Variants in FCHSD2 observed in about 807,000 individuals in gnomAD.
The protein encoded by FCHSD2 is FCH and double SH3 domains 2.
In FCHSD2, 38 loss-of-function variants were observed where a neutral mutation model predicts 108.1. The ratio of observed to expected loss-of-function variants is 0.35; its 90% CI spans 0.27 to 0.46. The LOEUF (loss-of-function observed/expected upper bound fraction) is 0.46, where lower values mean the gene tolerates loss of function less well. Ranked by LOEUF, FCHSD2 falls within the 20% of genes least tolerant of loss-of-function variation. The pLI is 1.00. For synonymous variants in FCHSD2, 279 were observed against 314.7 expected (o/e 0.89, Z 1.20); for missense variants, 751 against 897.8 (o/e 0.84, Z 2.09).
At chr11:72,889,030 C>T (rs1022233934) in intron 11 of FCHSD2, among the ~76,000 whole-genome samples, 1 of 152,174 alleles carries the variant, frequency 6.6e-6, no homozygotes, top group Admixed American at 6.5e-5. Flanking sequence ...TCTCAGCTCA[C>T]TGCAAGCTCC....
intron 8 of FCHSD2, 38 bp from the exon 9 acceptor site, chr11:72,921,988 G>A: frequency 6.8e-7 from 1 of 1,480,364 alleles, no homozygotes; most frequent in South Asian, 1.2e-5. Context: ...AAAAATTACA[G>A]TAAAGCCTTG....
chr11:73,010,226 C>A (rs2886599), intron 4 of FCHSD2, among the ~76,000 whole-genome samples: 20,066 of 152,134 alleles, frequency 0.13, 1,814 homozygotes, highest in South Asian at 0.21. Flanking sequence ...TCAATGAATT[C>A]TTCCATTACA....
chr11:72,902,421 T>C lies in FCHSD2; in HGVS notation c.924+122A>G, dbSNP rs1855544972. 8.9e-6 allele frequency: 5 copies of C among 560,788 alleles called. No homozygotes were observed. In the South Asian group the frequency reaches 1.2e-4, roughly 13 times the overall value. 34.7% of individuals were successfully genotyped at this position (560,788 alleles called of 1,614,324 possible). On this transcript the variant is annotated intron_variant, in intron 10 of 19. Transcript: ENST00000409418. ...TCATAATTATTCTGTGTCCTCACAG[T>C]TTTGTTATAAAATTGATGAGATATA...
At position 72,946,848 on chromosome 11, in the gene FCHSD2, T is replaced by C. The variant is rs146569969; in HGVS notation, c.706-24898A>G. On this transcript the variant is annotated intron_variant, in intron 8 of 19. Coordinates refer to ENST00000409418, the MANE Select transcript of FCHSD2 (RefSeq NM_014824.3). Reference sequence around the variant, plus strand: ...TAAGTATAATGCCTAGGGAAATTTTTCAAGCTTAAGTAAACATTCATATTC... The same window carrying C: ...TAAGTATAATGCCTAGGGAAATTTTCCAAGCTTAAGTAAACATTCATATTC... 6.6e-5 allele frequency among the ~76,000 whole-genome samples: 10 copies of C among 152,336 alleles called. No homozygotes were observed. In the East Asian group the frequency reaches 1.9e-3, roughly 29 times the overall value.
At chr11:73,098,230 G>A (rs1235935895) in intron 2 of FCHSD2, among the ~76,000 whole-genome samples, 4 of 152,044 alleles carry the variant, frequency 2.6e-5, no homozygotes, top group South Asian at 2.1e-4. Flanking sequence ...GTTTCACAGC[G>A]TAAGTTTTGG....
At chr11:72,931,815 A>G (rs1856199025) in intron 8 of FCHSD2, among the ~76,000 whole-genome samples, 1 of 152,142 alleles carries the variant, frequency 6.6e-6, no homozygotes, top group Admixed American at 6.5e-5. Context: ...TCCAACAAAC[A>G]TCTGTCAAAT....
chr11:72,878,508 A>G (rs1263964556), intron 12 of FCHSD2, among the ~76,000 whole-genome samples: 1 of 152,214 alleles, frequency 6.6e-6, no homozygotes, highest in Admixed American at 6.5e-5. Flanking sequence ...GCTAATTCTA[A>G]GTCTGGGCAG....
intron 3 of FCHSD2, among the ~76,000 whole-genome samples, chr11:73,035,696 TTTTATTTATTTA>T (rs35623691): frequency 1.4e-4 from 18 of 125,838 alleles, no homozygotes; most frequent in African/African-American, 4.4e-4. Flanking sequence ...AATGTTCAGT[TTTTATTTATTTA>T]TTTATTTATT....
At chr11:72,958,375 G>A (rs796089105) in intron 8 of FCHSD2, among the ~76,000 whole-genome samples, 62 of 152,148 alleles carry the variant, frequency 4.1e-4, no homozygotes, top group African/African-American at 1.4e-3. Flanking sequence ...AAAATTAGCT[G>A]GGCATGGTGG....
intron 8 of FCHSD2, among the ~76,000 whole-genome samples, chr11:72,943,799 A>G (rs1056661151): frequency 6.6e-6 from 1 of 152,236 alleles, no homozygotes; most frequent in Non-Finnish European, 1.5e-5. Flanking sequence ...TAGTTCATTA[A>G]CTACAAGAAG....
intron 13 of FCHSD2, among the ~76,000 whole-genome samples, chr11:72,863,843 A>G (rs1215690672): frequency 6.6e-6 from 1 of 152,250 alleles, no homozygotes; most frequent in East Asian, 1.9e-4. Context: ...AAGTACTGAT[A>G]AGGTTGTGGA....
At chr11:72,982,380 A>G (rs1392632079) in intron 8 of FCHSD2, among the ~76,000 whole-genome samples, 2 of 152,246 alleles carry the variant, frequency 1.3e-5, no homozygotes, top group African/African-American at 2.4e-5. Flanking sequence ...CTGATTTGTA[A>G]ATTAAGCAAT....
At chr11:73,105,962 T>C (rs767983572) in intron 2 of FCHSD2, among the ~76,000 whole-genome samples, 6 of 152,188 alleles carry the variant, frequency 3.9e-5, no homozygotes, top group Non-Finnish European at 7.3e-5. Flanking sequence ...GGCCTCTATC[T>C]TCACAGGTCT....
At chr11:72,854,421 G>C (rs1006590948) in intron 13 of FCHSD2, among the ~76,000 whole-genome samples, 1 of 152,218 alleles carries the variant, frequency 6.6e-6, no homozygotes, top group African/African-American at 2.4e-5. Flanking sequence ...ATTATTCTCT[G>C]TCTGTCTACC....
intron 14 of FCHSD2, among the ~76,000 whole-genome samples, chr11:72,849,527 G>A (rs549091095): frequency 1.2e-3 from 186 of 152,258 alleles, no homozygotes; most frequent in African/African-American, 3.9e-3. Flanking sequence ...TGAGGAGCAG[G>A]GGACAACCAA....
Position 73,141,930 on chromosome 11 carries a change from A to G in FCHSD2, c.-53T>C, listed in dbSNP as rs1288520938. On this transcript the variant is annotated 5_prime_UTR_variant, in exon 1 of 20. Transcript: ENST00000409418. ...GACGGCAGCGTTAGCAAGGACCAGG[A>G]GGAGGAGGAGGGCCGGAGAGGAGGG... The G allele has an allele frequency of 9.6e-6, 14 of 1,453,366 alleles. No homozygotes were observed. Among genetic ancestry groups the G allele is most frequent in the Non-Finnish European group, 1.3e-5 (14 of 1,075,048 alleles). The allele number at this position is 1,453,366 out of a possible 1,614,324, so 90.0% of individuals were successfully genotyped here. A position where few individuals can be genotyped will look rare whatever the true frequency, so the allele number is the denominator to read the frequency against.
chr11:72,993,932 C>T (rs960935045), intron 5 of FCHSD2, among the ~76,000 whole-genome samples: 1 of 151,994 alleles, frequency 6.6e-6, no homozygotes, highest in Non-Finnish European at 1.5e-5. Context: ...AAATAAATAT[C>T]GGATAGAAAA....
At chr11:72,894,092 T>A (rs1223058174) in intron 10 of FCHSD2, among the ~76,000 whole-genome samples, 1 of 152,232 alleles carries the variant, frequency 6.6e-6, no homozygotes, top group South Asian at 2.1e-4. Context: ...GAGATGGTCA[T>A]GTATGATGAA....
At chr11:73,076,436 G>A (rs1859551865) in intron 3 of FCHSD2, among the ~76,000 whole-genome samples, 2 of 152,200 alleles carry the variant, frequency 1.3e-5, no homozygotes, top group South Asian at 2.1e-4. Context: ...AAAGAAGACA[G>A]ACAAGAAAGG....
Sources: allele counts gnomAD v4.1 joint callset (sites outside exome capture counted in the v4.1 genomes callset), GRCh38; gene constraint gnomAD v4.1.1; transcripts MANE v1.5; gene names NCBI Gene and HGNC (gene_info 2026-07-23, HGNC 2026-07-21).